Variants in TAOK3 observed in about 807,000 individuals in gnomAD.
TAOK3 encodes serine/threonine-protein kinase TAO3.
Under a neutral mutation model 120.4 loss-of-function variants are expected in TAOK3, and 40 were observed. That is an observed-to-expected ratio of 0.33 (90% CI 0.26 to 0.43). The LOEUF (loss-of-function observed/expected upper bound fraction) is 0.43, where lower values mean the gene tolerates loss of function less well. TAOK3 is among the 20% of genes least tolerant of loss of function. The pLI is 1.00. For missense variants in TAOK3, 821 were observed against 1,112.1 expected (o/e 0.74, Z 3.72); for synonymous variants, 355 against 387.5 (o/e 0.92, Z 0.99).
intron 1 of TAOK3, among the ~76,000 whole-genome samples, chr12:118,327,280 C>T (rs2043973574): frequency 1.3e-5 from 2 of 152,258 alleles, no homozygotes; most frequent in South Asian, 4.1e-4. Flanking sequence ...ACAAGAATCC[C>T]AAGATGTAGG....
At chr12:118,293,622 C>T (rs550606016) in intron 1 of TAOK3, among the ~76,000 whole-genome samples, 3 of 149,282 alleles carry the variant, frequency 2.0e-5, no homozygotes, top group East Asian at 2.0e-4. Context: ...TGCAGTGAGC[C>T]GAGATCACAC....
intron 1 of TAOK3, among the ~76,000 whole-genome samples, chr12:118,289,296 C>CA (rs59297201): frequency 0.38 from 30,071 of 78,500 alleles, 5,920 homozygotes; most frequent in African/African-American, 0.43. Context: ...AAGACTGTCT[C>CA]AAAAAAAAAA....
chr12:118,293,489 C>A (rs1418393441), intron 1 of TAOK3, among the ~76,000 whole-genome samples: 3 of 150,346 alleles, frequency 2.0e-5, no homozygotes, highest in Non-Finnish European at 4.4e-5. Flanking sequence ...CCAGCCTGAC[C>A]AACATTAGAA....
At chr12:118,183,319 T>C (rs1347379084) in intron 14 of TAOK3, among the ~76,000 whole-genome samples, 3 of 152,204 alleles carry the variant, frequency 2.0e-5, no homozygotes, top group African/African-American at 7.2e-5. Flanking sequence ...TGTAACTAGA[T>C]AGTATTATCA....
intron 1 of TAOK3, among the ~76,000 whole-genome samples, chr12:118,337,328 T>A (rs2044407018): frequency 1.3e-5 from 2 of 152,236 alleles, no homozygotes; most frequent in Admixed American, 6.5e-5. Flanking sequence ...TGTAGAATGG[T>A]ACAGCCACTC....
chr12:118,212,146 GTTC>G (rs1217749590), intron 11 of TAOK3, among the ~76,000 whole-genome samples: 18 of 152,274 alleles, frequency 1.2e-4, no homozygotes, highest in African/African-American at 4.3e-4. Context: ...ACTCTTCTGA[GTTC>G]TTCTTAAAAA....
At chr12:118,363,273 TC>T (rs1376030001) in intron 1 of TAOK3, among the ~76,000 whole-genome samples, 1 of 152,102 alleles carries the variant, frequency 6.6e-6, no homozygotes, top group Non-Finnish European at 1.5e-5. Flanking sequence ...ATGCACATTA[TC>T]TTCACCAGCA....
At chr12:118,289,310 A>AC (rs936650418) in intron 1 of TAOK3, among the ~76,000 whole-genome samples, 5 of 151,410 alleles carry the variant, frequency 3.3e-5, no homozygotes, top group Non-Finnish European at 5.9e-5. Flanking sequence ...AAAAAAAAAA[A>AC]AAAAAAAGAA....
At chr12:118,280,056 C>T (rs551519330) in intron 1 of TAOK3, among the ~76,000 whole-genome samples, 58 of 146,166 alleles carry the variant, frequency 4.0e-4, no homozygotes, top group Non-Finnish European at 6.6e-4. Flanking sequence ...TGAGCCACCG[C>T]GCCCCACCTT....
At chr12:118,345,638 T>C (rs940489330) in intron 1 of TAOK3, among the ~76,000 whole-genome samples, 6 of 151,450 alleles carry the variant, frequency 4.0e-5, no homozygotes, top group Admixed American at 3.3e-4. Context: ...TTTCAAGCCA[T>C]GAGTGCCTTT....
chr12:118,246,194 T>G, intron 3 of TAOK3: 1 of 1,404,414 alleles, frequency 7.1e-7, no homozygotes, highest in Non-Finnish European at 9.7e-7. Flanking sequence ...GGGGCCGGGG[T>G]CGCGGCCGTG....
intron 1 of TAOK3, among the ~76,000 whole-genome samples, chr12:118,339,371 G>A (rs2044514734): frequency 8.1e-6 from 1 of 123,102 alleles, no homozygotes. Context: ...CGCAACCTCC[G>A]CCTCCAGCGT....
chr12:118,163,128 T>A (rs1247742051), intron 17 of TAOK3, among the ~76,000 whole-genome samples: 1 of 152,176 alleles, frequency 6.6e-6, no homozygotes, highest in African/African-American at 2.4e-5. Flanking sequence ...TTAATCTCTA[T>A]GTGTGGCTGG....
At chr12:118,190,893 T>C (rs567945039) in intron 13 of TAOK3, among the ~76,000 whole-genome samples, 1 of 152,354 alleles carries the variant, frequency 6.6e-6, no homozygotes, top group African/African-American at 2.4e-5. Flanking sequence ...TAAGTGGCTA[T>C]AACCCTTTAG....
intron 1 of TAOK3, among the ~76,000 whole-genome samples, chr12:118,316,174 G>T (rs1229111541): frequency 6.6e-6 from 1 of 152,098 alleles, no homozygotes; most frequent in Non-Finnish European, 1.5e-5. Flanking sequence ...TGCAGTGTCT[G>T]GTTTAAAAAT....
intron 1 of TAOK3, among the ~76,000 whole-genome samples, chr12:118,365,710 C>T (rs1252494657): frequency 6.6e-6 from 1 of 152,168 alleles, no homozygotes; most frequent in Non-Finnish European, 1.5e-5. Context: ...ACTATACTTA[C>T]CACAGAGGAT....
chr12:118,343,646 GTATT>G (rs2044725718), intron 1 of TAOK3, among the ~76,000 whole-genome samples: 1 of 152,088 alleles, frequency 6.6e-6, no homozygotes. Flanking sequence ...TTTAAAGGAA[GTATT>G]TAAAGTCAGC....
At chr12:118,154,880 A>C (rs2034701124) in intron 19 of TAOK3, among the ~76,000 whole-genome samples, 1 of 152,162 alleles carries the variant, frequency 6.6e-6, no homozygotes, top group Non-Finnish European at 1.5e-5. Context: ...GATGGGTTCA[A>C]ATCCTAGCTC....
chr12:118,365,279 G>C (rs2045711934), intron 1 of TAOK3, among the ~76,000 whole-genome samples: 1 of 152,120 alleles, frequency 6.6e-6, no homozygotes, highest in African/African-American at 2.4e-5. Context: ...TATCAGCCGG[G>C]CTGGAATGCA....
Sources: gnomAD v4.1 joint callset for allele counts (sites outside exome capture counted in the v4.1 genomes callset) on GRCh38, gnomAD v4.1.1 for gene constraint, MANE v1.5 for transcripts, NCBI Gene and HGNC (gene_info 2026-07-23, HGNC 2026-07-21) for gene names.